PDE4D: variants seen among roughly 807,000 people sequenced by gnomAD.
PDE4D encodes 3',5'-cyclic-AMP phosphodiesterase 4D.
In PDE4D, 24 loss-of-function variants were observed where a neutral mutation model predicts 87.4. That is an observed-to-expected ratio of 0.27 (90% CI 0.20 to 0.39). The LOEUF (loss-of-function observed/expected upper bound fraction) is 0.39, where lower values mean the gene tolerates loss of function less well. PDE4D is among the 10% of genes least tolerant of loss of function. PDE4D has a pLI of 1.00. For missense variants in PDE4D, 714 were observed against 1,041.0 expected (o/e 0.69, Z 4.32); for synonymous variants, 384 against 383.2 (o/e 1.00, Z -0.02).
At chr5:59,183,083 G>C (rs1077978) in intron 4 of PDE4D, among the ~76,000 whole-genome samples, 93,123 of 152,086 alleles carry the variant, frequency 0.61, 30,128 homozygotes, top group Non-Finnish European at 0.72. Context: ...GTCATCATGT[G>C]ATGAGGCAGA....
chr5:59,063,337 C>G lies in PDE4D; in HGVS notation c.809-24366G>C, dbSNP rs1763430287. On this transcript the variant is annotated intron_variant, in intron 5 of 14. Transcript: ENST00000340635. ...ACTCCCAGTGGAGATGAAAGTTTCA[C>G]TGCCTTCTTTCTTTCAACATTCTTG... is the stretch of plus-strand genomic sequence containing the variant. 2.0e-5 allele frequency: 3 copies of G among 152,224 alleles called. No homozygotes were observed. In the South Asian group the frequency reaches 6.2e-4, roughly 31 times the overall value. 9.4% of individuals were successfully genotyped at this position (152,224 alleles called of 1,614,324 possible). A position where few individuals can be genotyped will look rare whatever the true frequency, so the allele number is the denominator to read the frequency against.
At chr5:59,685,130 T>C (rs1749639869) in intron 1 of PDE4D, among the ~76,000 whole-genome samples, 1 of 152,242 alleles carries the variant, frequency 6.6e-6, no homozygotes, top group South Asian at 2.1e-4. Context: ...GAGAACAACA[T>C]GCCAATTCAA....
intron 1 of PDE4D, among the ~76,000 whole-genome samples, chr5:59,701,282 ATCT>A (rs1752517629): frequency 6.6e-6 from 1 of 152,098 alleles, no homozygotes; most frequent in Admixed American, 6.6e-5. Flanking sequence ...CTCCCATAAA[ATCT>A]TCTGCATAGT....
intron 1 of PDE4D, among the ~76,000 whole-genome samples, chr5:60,313,983 T>C (rs1044135001): frequency 6.6e-6 from 1 of 152,114 alleles, no homozygotes; most frequent in Non-Finnish European, 1.5e-5. Context: ...GCCAACATCA[T>C]ACTGAATAGG....
intron 1 of PDE4D, among the ~76,000 whole-genome samples, chr5:59,291,001 C>G (rs542257549): frequency 6.6e-6 from 1 of 152,090 alleles, no homozygotes; most frequent in Non-Finnish European, 1.5e-5. Context: ...ATTAGTACAA[C>G]CACTATGGAG....
chr5:59,344,442 G>A (rs901271612), intron 1 of PDE4D, among the ~76,000 whole-genome samples: 2 of 151,998 alleles, frequency 1.3e-5, no homozygotes, highest in African/African-American at 4.8e-5. Context: ...TCACTCTGTT[G>A]CCCAGGCTGG....
At chr5:60,296,437 C>CA (rs75208064) in intron 1 of PDE4D, among the ~76,000 whole-genome samples, 5,608 of 150,198 alleles carry the variant, frequency 0.037, 139 homozygotes, top group East Asian at 0.11. Flanking sequence ...AGCTATTATT[C>CA]AAAAAAAAAT....
chr5:59,370,795 G>A (rs1783816851), intron 1 of PDE4D, among the ~76,000 whole-genome samples: 1 of 152,172 alleles, frequency 6.6e-6, no homozygotes. Context: ...TTAATTCACT[G>A]TTCTGAGAGC....
intron 1 of PDE4D, among the ~76,000 whole-genome samples, chr5:59,703,920 GGAA>G (rs1034162801): frequency 2.0e-5 from 3 of 152,068 alleles, no homozygotes; most frequent in Non-Finnish European, 2.9e-5. Context: ...TGCAAAGCTG[GGAA>G]GAAGGAGAAG....
intron 1 of PDE4D, chr5:59,586,878 T>A (rs531797876): frequency 5.1e-6 from 5 of 985,370 alleles, no homozygotes; most frequent in Non-Finnish European, 6.0e-6. Flanking sequence ...TTGCTTTTTC[T>A]TCTTTCTTAG....
chr5:59,286,270 TCATTTAA>T (rs1766941590), intron 1 of PDE4D, among the ~76,000 whole-genome samples: 1 of 152,230 alleles, frequency 6.6e-6, no homozygotes, highest in African/African-American at 2.4e-5. Flanking sequence ...ACATGTTCTC[TCATTTAA>T]CATTTAAAAC....
At chr5:60,317,752 A>G (rs1357981680) in intron 1 of PDE4D, among the ~76,000 whole-genome samples, 1 of 152,216 alleles carries the variant, frequency 6.6e-6, no homozygotes, top group Non-Finnish European at 1.5e-5. Context: ...TGTACCCATT[A>G]GTCATTCAGG....
In PDE4D at chr5:59,018,743, A is replaced by G. The variant is rs1434841475; in HGVS notation, c.921+20116T>C. 2.0e-5 allele frequency among the ~76,000 whole-genome samples: 3 copies of G among 152,140 alleles called. No homozygotes were observed. The East Asian group carries it at 5.8e-4, about 29-fold the overall frequency. On this transcript the variant is annotated intron_variant, in intron 6 of 14. Coordinates refer to ENST00000340635, the MANE Select transcript of PDE4D (RefSeq NM_001104631.2). ...ACAAAAGTGTTGTTCCCTAAAACCC[A>G]TAATAAACAATAATAAAACCTAATG...
chr5:60,199,369 C>A (rs912842343), intron 1 of PDE4D, among the ~76,000 whole-genome samples: 1 of 151,718 alleles, frequency 6.6e-6, no homozygotes, highest in African/African-American at 2.4e-5. Flanking sequence ...GAATCATTGC[C>A]ATTTGTGTGG....
chr5:59,636,584 C>G (rs1002940734), intron 1 of PDE4D, among the ~76,000 whole-genome samples: 4 of 152,134 alleles, frequency 2.6e-5, no homozygotes, highest in African/African-American at 9.7e-5. Flanking sequence ...GAACAGAGGC[C>G]TCAGAAACAA....
chr5:60,299,313 A>G (rs1431669638), intron 1 of PDE4D, among the ~76,000 whole-genome samples: 3 of 152,250 alleles, frequency 2.0e-5, no homozygotes, highest in African/African-American at 7.2e-5. Flanking sequence ...GAATTTAGTT[A>G]TTCCTTGGCA....
At chr5:59,890,221 C>T (rs1204064489) in intron 1 of PDE4D, among the ~76,000 whole-genome samples, 1 of 151,232 alleles carries the variant, frequency 6.6e-6, no homozygotes, top group South Asian at 2.1e-4. Flanking sequence ...TTAAACCCCC[C>T]ATTTGGATGA....
At chr5:59,009,078 T>C (rs1421403533) in intron 6 of PDE4D, among the ~76,000 whole-genome samples, 3 of 152,098 alleles carry the variant, frequency 2.0e-5, no homozygotes, top group East Asian at 3.9e-4. Context: ...CAATACAAAA[T>C]GCTGGCCTGG....
chr5:60,155,675 T>C (rs1048856187), intron 2 of PDE4D, among the ~76,000 whole-genome samples: 3 of 152,178 alleles, frequency 2.0e-5, no homozygotes, highest in African/African-American at 7.2e-5. Context: ...ACTTAATAAA[T>C]AAATAAATTA....
Sources: gnomAD v4.1 joint callset for allele counts (sites outside exome capture counted in the v4.1 genomes callset) on GRCh38, gnomAD v4.1.1 for gene constraint, MANE v1.5 for transcripts, NCBI Gene and HGNC (gene_info 2026-07-23, HGNC 2026-07-21) for gene names.